The following TASOR variants were observed in gnomAD, a reference collection of about 807,000 sequenced individuals.
The protein encoded by TASOR is transcription activation suppressor.
Under a neutral mutation model 178.6 loss-of-function variants are expected in TASOR, and 53 were observed. That is an observed-to-expected ratio of 0.30 (90% CI 0.24 to 0.37). The LOEUF (loss-of-function observed/expected upper bound fraction) is 0.37. Ranked by LOEUF, TASOR falls within the 10% of genes least tolerant of loss-of-function variation. The probability of loss-of-function intolerance (pLI) is 1.00; values close to 1 mark genes in which losing one functional copy is unlikely to be tolerated. For missense variants in TASOR, 1,815 were observed against 1,971.4 expected (o/e 0.92, Z 1.50); for synonymous variants, 713 against 696.2 (o/e 1.02, Z -0.38).
intron 1 of TASOR, among the ~76,000 whole-genome samples, chr3:56,674,501 C>A (rs1366936149): frequency 6.6e-6 from 1 of 151,810 alleles, no homozygotes; most frequent in African/African-American, 2.4e-5. Flanking sequence ...AGAGAGAGAC[C>A]CTGTCTCAAA....
intron 6 of TASOR, among the ~76,000 whole-genome samples, chr3:56,667,864 T>G (rs192766895): frequency 6.6e-6 from 1 of 152,346 alleles, no homozygotes; most frequent in African/African-American, 2.4e-5. Context: ...AATGTTACTC[T>G]TATATAGGTG....
chr3:56,625,513 G>A (rs1451162444), intron 21 of TASOR, among the ~76,000 whole-genome samples: 4 of 152,110 alleles, frequency 2.6e-5, no homozygotes, highest in Non-Finnish European at 5.9e-5. Flanking sequence ...CGGATGAGGT[G>A]GCTCATGCCT....
rs1405070968 is a variant in TASOR, at chr3:56,683,209, G to C, written c.-203C>G. On this transcript the variant is annotated 5_prime_UTR_variant, in exon 1 of 24. Transcript: ENST00000683822. Reference sequence around the variant, plus strand: ...CCCCAAATGCGCTGCCCGGTCCTCGGAGCCGCTCCTCCCTCGGGCAGTTCT... The same window carrying C: ...CCCCAAATGCGCTGCCCGGTCCTCGCAGCCGCTCCTCCCTCGGGCAGTTCT... 5.7e-6 allele frequency: 3 copies of C among 522,690 alleles called. No homozygotes were observed. Among genetic ancestry groups the C allele is most frequent in the Non-Finnish European group, 9.9e-6 (3 of 301,794 alleles). 32.4% of individuals were successfully genotyped at this position (522,690 alleles called of 1,614,324 possible). A position where few individuals can be genotyped will look rare whatever the true frequency, so the allele number is the denominator to read the frequency against.
At chr3:56,680,799 G>A (rs1183227251) in intron 1 of TASOR, among the ~76,000 whole-genome samples, 3 of 152,094 alleles carry the variant, frequency 2.0e-5, no homozygotes, top group East Asian at 1.9e-4. Context: ...AGTCCACTGC[G>A]ATATATTTTC....
chr3:56,675,721 G>A (rs751825003), intron 1 of TASOR, among the ~76,000 whole-genome samples: 8 of 151,960 alleles, frequency 5.3e-5, no homozygotes, highest in Non-Finnish European at 7.4e-5. Flanking sequence ...ATTTAATAAG[G>A]GTCAAGAATG....
At chr3:56,681,823 AT>A (rs2031817840) in intron 1 of TASOR, among the ~76,000 whole-genome samples, 1 of 152,154 alleles carries the variant, frequency 6.6e-6, no homozygotes, top group Non-Finnish European at 1.5e-5. Context: ...TGGCATTAAG[AT>A]TTTTTAAAAG....
At chr3:56,639,069 C>CT (rs948239239) in intron 16 of TASOR, among the ~76,000 whole-genome samples, 2 of 152,190 alleles carry the variant, frequency 1.3e-5, no homozygotes, top group Non-Finnish European at 2.9e-5. Context: ...TAGGTTCCCT[C>CT]TATCATCACC....
intron 1 of TASOR, among the ~76,000 whole-genome samples, chr3:56,679,129 T>G (rs190176784): frequency 1.1e-4 from 16 of 152,168 alleles, no homozygotes; most frequent in African/African-American, 1.7e-4. Context: ...AGGCTGAGGA[T>G]CTGAAATTTT....
At chr3:56,659,069 TG>T (rs1335474788) in intron 11 of TASOR, among the ~76,000 whole-genome samples, 73 of 152,296 alleles carry the variant, frequency 4.8e-4, no homozygotes, top group African/African-American at 1.7e-3. Context: ...TAACTCTGCC[TG>T]GAAGTTTTAT....
chr3:56,660,605 G>T, intron 11 of TASOR, 126 bp downstream of exon 11: 1 of 660,684 alleles, frequency 1.5e-6, no homozygotes, highest in South Asian at 2.0e-5. Context: ...TAACTAAACA[G>T]CAGCAACAGA....
At chr3:56,663,839 C>A in intron 7 of TASOR, 1 of 999,926 alleles carries the variant, frequency 1.0e-6, no homozygotes, top group South Asian at 4.4e-5. Flanking sequence ...CAAGAGAGAA[C>A]AGTGTCCACC....
intron 11 of TASOR, among the ~76,000 whole-genome samples, chr3:56,654,599 G>A (rs567603513): frequency 3.4e-4 from 52 of 152,050 alleles, no homozygotes; most frequent in African/African-American, 9.6e-4. Flanking sequence ...AGCTATTTTC[G>A]GATGAGTTTA....
intron 1 of TASOR, among the ~76,000 whole-genome samples, chr3:56,675,724 CAAG>C (rs2031232754): frequency 6.6e-6 from 1 of 152,098 alleles, no homozygotes; most frequent in African/African-American, 2.4e-5. Context: ...TAATAAGGGT[CAAG>C]AATGTAACAG....
intron 1 of TASOR, among the ~76,000 whole-genome samples, chr3:56,679,107 A>G (rs2107645494): frequency 6.6e-6 from 1 of 152,306 alleles, no homozygotes; most frequent in South Asian, 2.1e-4. Flanking sequence ...TGACGAAATA[A>G]TTAGCAAGAA....
At chr3:56,675,656 A>T (rs7647095) in intron 1 of TASOR, among the ~76,000 whole-genome samples, 28,175 of 152,092 alleles carry the variant, frequency 0.19, 3,438 homozygotes, top group South Asian at 0.41. Context: ...CTGTAGAGAG[A>T]ACTACTCATA....
intron 21 of TASOR, 124 bp from the exon 22 acceptor site, chr3:56,625,130 T>G: frequency 1.2e-6 from 1 of 814,356 alleles, no homozygotes; most frequent in Non-Finnish European, 1.9e-6. Context: ...CTGCTTTAGC[T>G]CTCTGCCTGA....
chr3:56,640,301 G>A (rs2077095649), intron 15 of TASOR, among the ~76,000 whole-genome samples, 171 bp from the exon 16 acceptor site: 5 of 152,102 alleles, frequency 3.3e-5, no homozygotes, highest in Admixed American at 1.3e-4. Flanking sequence ...CTTTTCCCTC[G>A]AAACATAATT....
chr3:56,662,580 C>A, intron 8 of TASOR, 90 bp from the exon 9 acceptor site: 4 of 556,216 alleles, frequency 7.2e-6, no homozygotes, highest in Non-Finnish European at 9.3e-6. Context: ...CGGAAAATAT[C>A]TAGAAACAAG....
rs140001397 is a variant in TASOR, at chr3:56,624,990, G to C, written c.4156C>G (p.Leu1386Val). Residue 1386 changes from leucine to valine, a missense_variant, in exon 22 of 24, where the codon CTA (leucine) becomes GTA (valine). Physicochemically the swap from Leu to Val is conservative, Grantham distance 32 (BLOSUM62 1). Coordinates refer to ENST00000683822, the MANE Select transcript of TASOR (RefSeq NM_001365635.2). ...ACATTCAGAAGCGTCAACAGACTTA[G>C]AGCTTTAGCATTCAATCTGTGAAAT... ...KELGRLNAKALSLLTLLNVYQ... is the reference protein window; with the variant it reads ...KELGRLNAKAVSLLTLLNVYQ... The C allele has an allele frequency of 6.2e-7, 1 of 1,614,004 alleles. No individual in the cohort carries two copies. The highest frequency in any genetic ancestry group is 1.3e-5 in the African/African-American group (1 of 75,054).
Sources: allele counts gnomAD v4.1 joint callset (sites outside exome capture counted in the v4.1 genomes callset), GRCh38; gene constraint gnomAD v4.1.1; transcripts MANE v1.5; gene names NCBI Gene and HGNC (gene_info 2026-07-23, HGNC 2026-07-21).